EHD1: variants seen among roughly 807,000 people sequenced by gnomAD.
EHD1 encodes the protein EH domain-containing protein 1.
Under a neutral mutation model 39.0 loss-of-function variants are expected in EHD1, and 19 were observed. That is an observed-to-expected ratio of 0.49 (90% CI 0.34 to 0.72). EHD1 has a LOEUF of 0.72. EHD1 is among the 30% of genes least tolerant of loss of function. The probability of loss-of-function intolerance (pLI) is 0.01; values close to 1 mark genes in which losing one functional copy is unlikely to be tolerated. For synonymous variants in EHD1, 323 were observed against 331.2 expected, an observed-to-expected ratio of 0.98 and a Z score of 0.27; for missense variants, 542 against 751.5, an observed-to-expected ratio of 0.72 and a Z score of 3.26.
At chr11:64,865,899 G>A (rs923011601) in intron 2 of EHD1, among the ~76,000 whole-genome samples, 7 of 152,156 alleles carry the variant, frequency 4.6e-5, no homozygotes, top group African/African-American at 1.4e-4. Flanking sequence ...ACATTTATAC[G>A]CTGCTGGTGG....
At chr11:64,878,929 G>A (rs1943923902), upstream of EHD1, 9 of 1,016,586 alleles carry the variant, frequency 8.9e-6, no homozygotes, top group Middle Eastern at 4.8e-4. Context: ...TCTGGGCCGC[G>A]CGCCTTCCGG....
chr11:64,874,324 A>C, intron 2 of EHD1, 97 bp downstream of exon 2: 15 of 739,176 alleles, frequency 2.0e-5, no homozygotes, highest in East Asian at 3.2e-5. Context: ...AAAAAAAAGG[A>C]GAAATCTCAA....
chr11:64,862,078 T>G (rs1943722558), intron 2 of EHD1, among the ~76,000 whole-genome samples: 1 of 152,060 alleles, frequency 6.6e-6, no homozygotes, highest in African/African-American at 2.4e-5. Flanking sequence ...CTGGCTAATT[T>G]TTAAATTTTT....
rs548264192 is a variant in EHD1, at chr11:64,878,608, G to A, written c.-144C>T. On this transcript the variant is annotated 5_prime_UTR_variant, in exon 1 of 5. Transcript: ENST00000320631. ...GGCGCACAGCCCAGCCCGTCGAAGCGCCCTCTGCCGAATGCTGCGCACCCC... is the reference window on the plus strand; with the variant it reads ...GGCGCACAGCCCAGCCCGTCGAAGCACCCTCTGCCGAATGCTGCGCACCCC... 2.0e-3 allele frequency: 2,784 copies of A among 1,421,752 alleles called. 2 individuals are homozygous for A. The highest frequency in any genetic ancestry group is 2.4e-3 in the Non-Finnish European group (2,611 of 1,093,906). The allele number at this position is 1,421,752 out of a possible 1,614,324, so 88.1% of individuals were successfully genotyped here.
chr11:64,877,727 A>C, intron 1 of EHD1: 3 of 285,060 alleles, frequency 1.1e-5, no homozygotes, highest in Non-Finnish European at 1.3e-5. Flanking sequence ...ACGGAGGTGG[A>C]GACCAAGAAA....
intron 3 of EHD1, 22 bp from the exon 4 acceptor site, chr11:64,855,508 C>T: frequency 2.5e-6 from 4 of 1,613,010 alleles, no homozygotes; most frequent in Non-Finnish European, 3.4e-6. Flanking sequence ...GGGTGAGCAT[C>T]AGGCGCTCTC....
At chr11:64,860,494 G>A (rs957885168) in intron 2 of EHD1, among the ~76,000 whole-genome samples, 158 bp from the exon 3 acceptor site, 53 of 152,202 alleles carry the variant, frequency 3.5e-4, no homozygotes, top group African/African-American at 1.2e-3. Flanking sequence ...CAACACTTTG[G>A]GAGGCCAAGG....
At chr11:64,877,651 T>C (rs1042466728) in intron 1 of EHD1, among the ~76,000 whole-genome samples, 20 of 151,522 alleles carry the variant, frequency 1.3e-4, no homozygotes, top group Non-Finnish European at 2.1e-4. Flanking sequence ...TGTTTTGCTA[T>C]TGACACTTAA....
At chr11:64,864,377 C>G (rs1943746287) in intron 2 of EHD1, among the ~76,000 whole-genome samples, 1 of 152,260 alleles carries the variant, frequency 6.6e-6, no homozygotes, top group Non-Finnish European at 1.5e-5. Context: ...AGTACAAGGC[C>G]CCGGGCACCC....
chr11:64,863,853 C>A (rs1035359381), intron 2 of EHD1, among the ~76,000 whole-genome samples: 1 of 152,238 alleles, frequency 6.6e-6, no homozygotes, highest in Non-Finnish European at 1.5e-5. Context: ...AATTTAAATA[C>A]CAATTCCTCA....
At chr11:64,876,920 AGGTCAGCTCTGTGCCT>A (rs756545709) in intron 1 of EHD1, among the ~76,000 whole-genome samples, 17 of 152,230 alleles carry the variant, frequency 1.1e-4, no homozygotes, top group Non-Finnish European at 2.2e-4. Flanking sequence ...ACCCTGCTGA[AGGTCAGCTCTGTGCCT>A]GGAGTAGGCC....
At chr11:64,878,693 G>T (rs1356447891), upstream of EHD1, 3 of 1,355,678 alleles carry the variant, frequency 2.2e-6, no homozygotes, top group Non-Finnish European at 2.8e-6. Context: ...CCGCGGCGGG[G>T]GCAGGGCGGA....
rs1943797449 is a variant in EHD1, at chr11:64,868,901, C to T, written c.502+5520G>A. 6.6e-6 allele frequency among the ~76,000 whole-genome samples: 1 copy of T among 152,184 alleles called. No individual in the cohort carries two copies. Among genetic ancestry groups the T allele is most frequent in the Non-Finnish European group, 1.5e-5 (1 of 68,028 alleles). On this transcript the variant is annotated intron_variant, in intron 2 of 4. Coordinates refer to ENST00000320631, the MANE Select transcript of EHD1 (RefSeq NM_006795.4). The surrounding 1 kb of genome is among the most constrained non-coding windows in gnomAD (Gnocchi z 4.2). Reference sequence around the variant, plus strand: ...TCTACTCAACAACGAGCTGTGTGACCCAGCAGGTCTCTGACCTCTCAGAGC... The same window carrying T: ...TCTACTCAACAACGAGCTGTGTGACTCAGCAGGTCTCTGACCTCTCAGAGC...
At position 64,874,494 on chromosome 11, in the gene EHD1, G is replaced by T; in HGVS notation, c.429C>A (p.Asn143Lys). The change falls in exon 2 of 5, where the codon AAC (asparagine) becomes AAA (lysine). Residue 143 changes from asparagine to lysine, a missense_variant. Coordinates refer to ENST00000320631, the MANE Select transcript of EHD1 (RefSeq NM_006795.4). ...TGATGCTGATGCTGTCCAGGACGGG[G>T]TTGGGCAGCTGGGCACACATGAACC... ...LNRFMCAQLP[N>K]PVLDSISIID... 2 of 1,610,286 alleles carry T rather than the reference G, an allele frequency of 1.2e-6. No homozygotes were observed. The highest frequency in any genetic ancestry group is 1.7e-6 in the Non-Finnish European group (2 of 1,178,596).
chr11:64,858,025 CCTTTT>C lies in EHD1; in HGVS notation c.915+1894_915+1898del, dbSNP rs1565717026. 3.9e-5 allele frequency among the ~76,000 whole-genome samples: 4 copies of C among 101,486 alleles called. 1 individual carries two copies. Among genetic ancestry groups the C allele is most frequent in the Middle Eastern group, 5.2e-3 (1 of 194 alleles). The allele number at this position is 101,486 out of a possible 152,430, so 66.6% of individuals were successfully genotyped here. On this transcript the variant is annotated intron_variant, in intron 3 of 4. Coordinates refer to ENST00000320631, the MANE Select transcript of EHD1 (RefSeq NM_006795.4). ...CTGGAGATAGGAGCTACGGCAAGGGCCTTTTTTTTTTTTTTTTTTTTTAAATTAAA... is the reference window on the plus strand; with the variant it reads ...CTGGAGATAGGAGCTACGGCAAGGGCTTTTTTTTTTTTTTTTTAAATTAAA...
chr11:64,879,645 C>T (rs1291177297), upstream of EHD1: 10 of 1,550,890 alleles, frequency 6.4e-6, no homozygotes, highest in African/African-American at 1.4e-5. Flanking sequence ...CTCACTCCCC[C>T]GCCATCCTCC....
intron 2 of EHD1, among the ~76,000 whole-genome samples, chr11:64,861,946 C>T (rs915321514): frequency 1.3e-5 from 2 of 152,178 alleles, no homozygotes; most frequent in African/African-American, 4.8e-5. Context: ...TTTGCTCTGT[C>T]ACCCAGGCTG....
Position 64,860,128 on chromosome 11 carries a change from CAT to C in EHD1, c.709_710del (p.Met237ValfsTer35). 1.2e-6 allele frequency: 2 copies of C among 1,614,194 alleles called. No individual in the cohort carries two copies. Among genetic ancestry groups the C allele is most frequent in the Non-Finnish European group, 1.7e-6 (2 of 1,180,044 alleles). ...QQLMRVYGAL[M>X]WSLGKIINTP... is the part of the protein sequence containing the mutation. ...TGTTGATGATCTTGCCCAGGGACCA[CAT>C]GAGGGCCCCGTACACCCGCATCAGC... On this transcript the variant is annotated frameshift_variant, in exon 3 of 5. Transcript: ENST00000320631. LOFTEE classifies it high-confidence loss of function.
At chr11:64,867,806 A>G (rs752008089) in intron 2 of EHD1, among the ~76,000 whole-genome samples, 8 of 152,244 alleles carry the variant, frequency 5.3e-5, no homozygotes, top group Non-Finnish European at 1.2e-4. Context: ...AAAAGTGAAA[A>G]CGAAAAGTCC....
Sources: allele counts gnomAD v4.1 joint callset (sites outside exome capture counted in the v4.1 genomes callset), GRCh38; gene constraint gnomAD v4.1.1; non-coding constraint Gnocchi (gnomAD v3.1); transcripts MANE v1.5; gene names NCBI Gene and HGNC (gene_info 2026-07-23, HGNC 2026-07-21).